Variants in ARB2A observed in about 807,000 individuals in gnomAD.
The protein encoded by ARB2A is cotranscriptional regulator ARB2A.
the ARB2A span, among the ~76,000 whole-genome samples, chr5:94,106,870 G>GAAAAAAAAAAAAA: frequency 1.2e-4 from 7 of 57,400 alleles, no homozygotes; most frequent in Admixed American, 2.1e-4. Context: ...AATCAATGCA[G>GAAAAAAAAAAAAA]AAAAAAAAAA....
chr5:93,677,004 T>G, the ARB2A span, among the ~76,000 whole-genome samples: 1 of 152,200 alleles, frequency 6.6e-6, no homozygotes, highest in Non-Finnish European at 1.5e-5. Flanking sequence ...CATAAAGATG[T>G]TGACAAATAT....
At chr5:93,846,334 T>C in the ARB2A span, among the ~76,000 whole-genome samples, 1 of 150,328 alleles carries the variant, frequency 6.7e-6, no homozygotes, top group Non-Finnish European at 1.5e-5. Context: ...TGAGACCCTG[T>C]CTCTAAAAAA....
the ARB2A span, among the ~76,000 whole-genome samples, chr5:93,978,201 T>C: frequency 6.6e-6 from 1 of 152,116 alleles, no homozygotes; most frequent in African/African-American, 2.4e-5. Flanking sequence ...GGAAAGCAGT[T>C]TGTTGATTTC....
chr5:93,889,503 C>T, the ARB2A span, among the ~76,000 whole-genome samples: 1 of 151,726 alleles, frequency 6.6e-6, no homozygotes, highest in African/African-American at 2.4e-5. Flanking sequence ...TCTTTGTAAC[C>T]TTTTAAATGA....
chr5:94,014,814 A>G, the ARB2A span, among the ~76,000 whole-genome samples: 1 of 150,882 alleles, frequency 6.6e-6, no homozygotes, highest in Non-Finnish European at 1.5e-5. Context: ...GAATCAGAGA[A>G]CTCAAAGACA....
the ARB2A span, among the ~76,000 whole-genome samples, chr5:94,033,411 AATAT>A: frequency 6.6e-6 from 1 of 151,134 alleles, no homozygotes; most frequent in East Asian, 1.9e-4. Context: ...TGATGAAATG[AATAT>A]ATATATATAT....
At chr5:94,010,937 A>G in the ARB2A span, among the ~76,000 whole-genome samples, 1 of 152,188 alleles carries the variant, frequency 6.6e-6, no homozygotes, top group African/African-American at 2.4e-5. Context: ...TGTAAGCCAT[A>G]TCAAGGAACC....
chr5:93,764,635 A>G, the ARB2A span, among the ~76,000 whole-genome samples: 2 of 152,202 alleles, frequency 1.3e-5, no homozygotes, highest in East Asian at 3.8e-4. Context: ...AGCTGATACC[A>G]TTCCTTCTGA....
chr5:93,912,473 T>C, the ARB2A span, among the ~76,000 whole-genome samples: 2 of 151,770 alleles, frequency 1.3e-5, no homozygotes, highest in Non-Finnish European at 2.9e-5. Context: ...AAATCTCCAC[T>C]GTATAGCTAG....
the ARB2A span, among the ~76,000 whole-genome samples, chr5:94,057,405 T>C: frequency 6.6e-6 from 1 of 152,136 alleles, no homozygotes; most frequent in Non-Finnish European, 1.5e-5. Context: ...TAGGGAGTTA[T>C]TGTTTAATGG....
At chr5:93,793,700 GT>G in the ARB2A span, among the ~76,000 whole-genome samples, 13 of 152,192 alleles carry the variant, frequency 8.5e-5, no homozygotes, top group Non-Finnish European at 1.9e-4. Context: ...TCACAGGTTG[GT>G]TCCCTAGGAA....
chr5:94,040,549 T>C, the ARB2A span, among the ~76,000 whole-genome samples: 2 of 124,528 alleles, frequency 1.6e-5, no homozygotes, highest in African/African-American at 3.1e-5. Context: ...TTCCCCTTCC[T>C]GTGTCCACGT....
At chr5:93,726,587 T>C in the ARB2A span, among the ~76,000 whole-genome samples, 3 of 152,042 alleles carry the variant, frequency 2.0e-5, no homozygotes, top group Non-Finnish European at 2.9e-5. Context: ...GGAGTTTGGA[T>C]GACAGAGTTT....
chr5:94,021,440 C>T, the ARB2A span, among the ~76,000 whole-genome samples: 1 of 152,154 alleles, frequency 6.6e-6, no homozygotes, highest in Non-Finnish European at 1.5e-5. Flanking sequence ...TGGAAAGCTG[C>T]CATACTGTGA....
the ARB2A span, among the ~76,000 whole-genome samples, chr5:93,871,466 T>A: frequency 2.5e-3 from 382 of 152,290 alleles, 10 homozygotes; most frequent in East Asian, 0.057. Context: ...GGGTATAGCA[T>A]CAAAGAAGAA....
At chr5:94,012,116 G>C in the ARB2A span, among the ~76,000 whole-genome samples, 1 of 151,970 alleles carries the variant, frequency 6.6e-6, no homozygotes, top group Non-Finnish European at 1.5e-5. Flanking sequence ...AAAACATTAA[G>C]ATGGGGCCAG....
At chr5:93,910,180 G>T in the ARB2A span, among the ~76,000 whole-genome samples, 1 of 150,274 alleles carries the variant, frequency 6.7e-6, no homozygotes, top group Non-Finnish European at 1.5e-5. Context: ...AGACATACAG[G>T]GCAGAAAATA....
At chr5:93,683,633 C>T in the ARB2A span, 2 of 1,546,278 alleles carry the variant, frequency 1.3e-6, no homozygotes, top group Non-Finnish European at 1.8e-6. Context: ...TTAAAGTGAT[C>T]ATCTTTGTCG....
At chr5:94,031,883 G>A in the ARB2A span, among the ~76,000 whole-genome samples, 1 of 152,206 alleles carries the variant, frequency 6.6e-6, no homozygotes, top group African/African-American at 2.4e-5. Context: ...GTGGCACAAT[G>A]CCATGGCTCA....
Sources: gnomAD v4.1 joint callset for allele counts (sites outside exome capture counted in the v4.1 genomes callset) on GRCh38, gnomAD v4.1.1 for gene constraint, MANE v1.5 for transcripts, NCBI Gene and HGNC (gene_info 2026-07-23, HGNC 2026-07-21) for gene names.